Variants in MTMR14 observed in about 807,000 individuals in gnomAD.
The protein encoded by MTMR14 is phosphatidylinositol-3,5-bisphosphate 3-phosphatase MTMR14.
A neutral mutation model predicts 86.3 loss-of-function variants in MTMR14; 48 were observed. The ratio of observed to expected loss-of-function variants is 0.56; its 90% CI spans 0.44 to 0.71. The LOEUF (loss-of-function observed/expected upper bound fraction) is 0.71, where lower values mean the gene tolerates loss of function less well. MTMR14 is among the 30% of genes least tolerant of loss of function. The pLI is 0.00. For missense variants in MTMR14, 780 were observed against 834.6 expected (o/e 0.93, Z 0.81); for synonymous variants, 366 against 326.1 (o/e 1.12, Z -1.32).
intron 4 of MTMR14, 71 bp from the exon 5 acceptor site, chr3:9,669,361 C>A: frequency 6.6e-7 from 1 of 1,514,164 alleles, no homozygotes; most frequent in South Asian, 1.2e-5. Flanking sequence ...GGGAAGGAGG[C>A]TGGTGAGGAG....
chr3:9,668,828 G>T (rs1338249380), intron 4 of MTMR14, 34 bp downstream of exon 4: 2 of 1,608,576 alleles, frequency 1.2e-6, no homozygotes, highest in Non-Finnish European at 1.7e-6. Flanking sequence ...GATGTAGAAT[G>T]AGAACCCAGT....
In MTMR14 at chr3:9,672,749, C is replaced by A; in HGVS notation, c.742C>A (p.Pro248Thr). The change falls in exon 7 of 19, where the codon CCG (proline) becomes ACG (threonine). Residue 248 changes from proline (P) to threonine (T), a missense_variant. Transcript: ENST00000296003. ...TGCCGACTTCACTCTCCTCTCCATC[C>A]CGTATCCAGGTAGGGGGCTCTCTTC... ...RYADFTLLSI[P>T]YPGCEFFKEY... 6.2e-7 allele frequency: 1 copy of A among 1,614,144 alleles called. No homozygotes were observed. The highest frequency in any genetic ancestry group is 8.5e-7 in the Non-Finnish European group (1 of 1,179,994).
rs1206710619 is a variant in MTMR14, at chr3:9,662,381, G to A, written c.417+6G>A. On this transcript the variant is annotated splice_donor_region_variant and intron_variant, in intron 3 of 18. Transcript: ENST00000296003. ...TAATCCTGTTCAAGGGCAAGGTAAG[G>A]CCCATACCATAGCTTCATGCTCCAC... The A allele has an allele frequency of 6.2e-7, 1 of 1,608,532 alleles. No individual in the cohort carries two copies. Among genetic ancestry groups the A allele is most frequent in the East Asian group, 2.2e-5 (1 of 44,846 alleles).
chr3:9,682,940 C>G (rs1024464150), intron 9 of MTMR14, among the ~76,000 whole-genome samples: 1 of 151,550 alleles, frequency 6.6e-6, no homozygotes, highest in Non-Finnish European at 1.5e-5. Flanking sequence ...AGAGCCCCCC[C>G]CCCGCCCCCG....
intron 3 of MTMR14, among the ~76,000 whole-genome samples, chr3:9,665,918 A>T (rs1385716164): frequency 6.6e-6 from 1 of 151,722 alleles, no homozygotes; most frequent in Non-Finnish European, 1.5e-5. Flanking sequence ...TTTAGTAGAC[A>T]GGATTTCACG....
At chr3:9,671,263 C>G (rs900755748) in intron 6 of MTMR14, 93 bp downstream of exon 6, 1 of 1,569,322 alleles carries the variant, frequency 6.4e-7, no homozygotes, top group Non-Finnish European at 8.7e-7. Flanking sequence ...GCGTGCTGGC[C>G]TTCTTACAAA....
chr3:9,684,616 A>C lies in MTMR14; in HGVS notation c.996A>C (p.Ser332=). ...GCGGGCTGCTGGTACACTGTATCTC[A>C]GGCTGGGATCGGACCCCCCTCTTCA... The part of the protein sequence containing the change: ...DDSGLLVHCI[S]GWDRTPLFIS... Residue 332 remains serine, a synonymous_variant, in exon 11 of 19, where the codon TCA becomes TCC. Transcript: ENST00000296003. The C allele has an allele frequency of 6.2e-7, 1 of 1,613,924 alleles. No individual in the cohort carries two copies.
At chr3:9,671,231 G>C in intron 6 of MTMR14, 61 bp downstream of exon 6, 1 of 1,611,444 alleles carries the variant, frequency 6.2e-7, no homozygotes, top group Non-Finnish European at 8.5e-7. Context: ...TGCAGGGCTG[G>C]CGTTAGTATG....
chr3:9,657,142 C>T, intron 2 of MTMR14, among the ~76,000 whole-genome samples: 1 of 151,766 alleles, frequency 6.6e-6, no homozygotes. Context: ...CTCCTGAGCT[C>T]AACAGATTTC....
chr3:9,695,533 A>G (rs1299363037), intron 17 of MTMR14, among the ~76,000 whole-genome samples: 1 of 152,196 alleles, frequency 6.6e-6, no homozygotes, highest in Admixed American at 6.5e-5. Flanking sequence ...CTACTGAGAC[A>G]TGGGGGAAGT....
intron 3 of MTMR14, among the ~76,000 whole-genome samples, chr3:9,667,113 A>G (rs2048297751): frequency 6.6e-6 from 1 of 152,260 alleles, no homozygotes. Context: ...TCAGAACTCA[A>G]CAGCCAAAAA....
chr3:9,699,158 G>A (rs1375152586), intron 18 of MTMR14, among the ~76,000 whole-genome samples: 2 of 145,582 alleles, frequency 1.4e-5, no homozygotes, highest in African/African-American at 5.2e-5. Context: ...GGCAACAAGA[G>A]CGAAACTCTC....
At chr3:9,655,136 T>G (rs2047522415) in intron 2 of MTMR14, among the ~76,000 whole-genome samples, 1 of 151,978 alleles carries the variant, frequency 6.6e-6, no homozygotes, top group Non-Finnish European at 1.5e-5. Flanking sequence ...CCAGCCTCCT[T>G]TGGGTGGATC....
At chr3:9,698,354 G>A (rs2076347773) in intron 18 of MTMR14, among the ~76,000 whole-genome samples, 1 of 152,204 alleles carries the variant, frequency 6.6e-6, no homozygotes, top group Non-Finnish European at 1.5e-5. Context: ...ATTGGATGGG[G>A]ATTCTAGATC....
At chr3:9,655,651 C>G (rs193241892) in intron 2 of MTMR14, among the ~76,000 whole-genome samples, 23 of 151,038 alleles carry the variant, frequency 1.5e-4, no homozygotes, top group African/African-American at 5.3e-4. Context: ...TTAGTAGAGA[C>G]AGGGTTTCAC....
intron 17 of MTMR14, among the ~76,000 whole-genome samples, chr3:9,693,808 A>G (rs2076206186): frequency 6.6e-6 from 1 of 152,208 alleles, no homozygotes; most frequent in Non-Finnish European, 1.5e-5. Context: ...GTGGGGTGGT[A>G]AGTGGGTGGC....
intron 1 of MTMR14, among the ~76,000 whole-genome samples, chr3:9,653,151 C>G (rs1238377757): frequency 6.6e-6 from 1 of 152,204 alleles, no homozygotes; most frequent in Non-Finnish European, 1.5e-5. Flanking sequence ...AGGAGAATCG[C>G]TTGAACCCCG....
At chr3:9,694,080 T>A (rs2076213836) in intron 17 of MTMR14, among the ~76,000 whole-genome samples, 1 of 152,130 alleles carries the variant, frequency 6.6e-6, no homozygotes, top group Admixed American at 6.5e-5. Flanking sequence ...AGCCTCTTTT[T>A]TCAGTTATAG....
chr3:9,699,221 C>T (rs1341915756), intron 18 of MTMR14, among the ~76,000 whole-genome samples: 1 of 151,984 alleles, frequency 6.6e-6, no homozygotes, highest in African/African-American at 2.4e-5. Flanking sequence ...CCTACTCCAG[C>T]CCCATTTGCC....
Sources: allele counts gnomAD v4.1 joint callset (sites outside exome capture counted in the v4.1 genomes callset), GRCh38; gene constraint gnomAD v4.1.1; transcripts MANE v1.5; gene names NCBI Gene and HGNC (gene_info 2026-07-23, HGNC 2026-07-21).